Variants in UBAP1 observed in about 807,000 individuals in gnomAD.
The protein encoded by UBAP1 is ubiquitin-associated protein 1.
A neutral mutation model predicts 39.0 loss-of-function variants in UBAP1; 5 were observed. That is an observed-to-expected ratio of 0.13 (90% confidence interval 0.07 to 0.27). UBAP1 has a LOEUF of 0.27. Ranked by LOEUF, UBAP1 falls within the 10% of genes least tolerant of loss-of-function variation. The pLI is 1.00. For synonymous variants in UBAP1, 211 were observed against 225.1 expected, an observed-to-expected ratio of 0.94 and a Z score of 0.56; for missense variants, 490 against 608.1, an observed-to-expected ratio of 0.81 and a Z score of 2.04.
At chr9:34,181,703 A>G (rs1489410412) in intron 1 of UBAP1, among the ~76,000 whole-genome samples, 2 of 135,794 alleles carry the variant, frequency 1.5e-5, no homozygotes, top group Non-Finnish European at 3.1e-5. Flanking sequence ...AAGTGCTGGG[A>G]TTACAGGCGT....
At chr9:34,225,906 C>T (rs1203868121) in intron 2 of UBAP1, among the ~76,000 whole-genome samples, 3 of 151,220 alleles carry the variant, frequency 2.0e-5, no homozygotes, top group African/African-American at 7.3e-5. Context: ...AAAAATAGAC[C>T]CCGTGATAAG....
chr9:34,216,219 TACTG>T (rs1243789462), intron 1 of UBAP1, among the ~76,000 whole-genome samples: 5 of 152,006 alleles, frequency 3.3e-5, no homozygotes, highest in Non-Finnish European at 5.9e-5. Context: ...AAAAAAAACT[TACTG>T]AGGTGAAATT....
chr9:34,187,555 AATTG>A (rs1308169900), intron 1 of UBAP1, among the ~76,000 whole-genome samples: 1 of 152,166 alleles, frequency 6.6e-6, no homozygotes, highest in Non-Finnish European at 1.5e-5. Flanking sequence ...TATTATATAC[AATTG>A]ATAGTGTGTC....
At chr9:34,186,526 C>G (rs182477368) in intron 1 of UBAP1, among the ~76,000 whole-genome samples, 82 of 152,216 alleles carry the variant, frequency 5.4e-4, no homozygotes, top group Admixed American at 8.5e-4. Flanking sequence ...CTCCTCAACA[C>G]TTGATATTGT....
intron 1 of UBAP1, chr9:34,206,059 T>G (rs563671592): frequency 3.3e-5 from 5 of 152,232 alleles, no homozygotes; most frequent in Admixed American, 2.0e-4. Flanking sequence ...TATGTACTTA[T>G]TTGTCACTTT....
At chr9:34,196,440 C>G (rs530913571) in intron 1 of UBAP1, among the ~76,000 whole-genome samples, 3 of 151,656 alleles carry the variant, frequency 2.0e-5, no homozygotes, top group Non-Finnish European at 4.4e-5. Context: ...CTCAGCCTCC[C>G]GAGTAGCTGG....
intron 1 of UBAP1, among the ~76,000 whole-genome samples, chr9:34,193,878 C>G (rs1187425064): frequency 6.6e-6 from 1 of 151,930 alleles, no homozygotes; most frequent in African/African-American, 2.4e-5. Flanking sequence ...TAGGGCAGTC[C>G]CCTCTCTGGG....
chr9:34,207,274 G>A (rs1831760635), intron 1 of UBAP1, among the ~76,000 whole-genome samples: 1 of 150,952 alleles, frequency 6.6e-6, no homozygotes, highest in Admixed American at 6.6e-5. Context: ...TCAAACTCCT[G>A]ACCTTAGGTG....
At chr9:34,216,184 AT>A (rs72016559) in intron 1 of UBAP1, among the ~76,000 whole-genome samples, 55,450 of 146,328 alleles carry the variant, frequency 0.38, 11,166 homozygotes, top group East Asian at 0.88. Context: ...TTTTTCTGCC[AT>A]TTTTTTTTTT....
chr9:34,209,148 G>C (rs910747923), intron 1 of UBAP1, among the ~76,000 whole-genome samples: 5 of 152,044 alleles, frequency 3.3e-5, no homozygotes, highest in African/African-American at 4.8e-5. Flanking sequence ...ATGTTGGCCA[G>C]GCTGGTCTCA....
In UBAP1 at chr9:34,202,624, C is replaced by CGTGTGTGT. The variant is rs56012034; in HGVS notation, c.-7-18237_-7-18230dup. On this transcript the variant is annotated intron_variant, in intron 1 of 6. Coordinates refer to ENST00000297661, the MANE Select transcript of UBAP1 (RefSeq NM_016525.5). ...ATGGGCCAGAAGCTGTAGACAGAAA[C>CGTGTGTGT]GTGTGTGTGTGTGTGTGTGTGTGTG... 9.9e-3 allele frequency among the ~76,000 whole-genome samples: 1,066 copies of CGTGTGTGT among 107,336 alleles called. 21 individuals carry two copies. Among genetic ancestry groups the CGTGTGTGT allele is most frequent in the African/African-American group, 0.011 (288 of 25,542 alleles). 70.4% of individuals were successfully genotyped at this position (107,336 alleles called of 152,430 possible). A position where few individuals can be genotyped will look rare whatever the true frequency, so the allele number is the denominator to read the frequency against.
intron 2 of UBAP1, among the ~76,000 whole-genome samples, chr9:34,221,385 C>T (rs1228465998): frequency 4.6e-5 from 7 of 151,882 alleles, no homozygotes; most frequent in African/African-American, 1.7e-4. Flanking sequence ...AAAAATTAGC[C>T]GGGCGTGTTG....
intron 1 of UBAP1, among the ~76,000 whole-genome samples, chr9:34,182,663 C>CT (rs770262556): frequency 1.6e-5 from 1 of 62,754 alleles, no homozygotes; most frequent in Non-Finnish European, 3.7e-5. Context: ...TTCTTTCTTT[C>CT]TTTCTTTCTT....
rs1438971150 is a variant in UBAP1 at position 34,252,447 on chromosome 9, G to A, written c.*915G>A. 1.4e-5 allele frequency: 2 copies of A among 140,296 alleles called. No individual in the cohort carries two copies. The highest frequency in any genetic ancestry group is 5.2e-5 in the African/African-American group (2 of 38,286). 8.7% of individuals were successfully genotyped at this position (140,296 alleles called of 1,614,324 possible). On this transcript the variant is annotated 3_prime_UTR_variant, in exon 7 of 7. Transcript: ENST00000297661. ...AAGATCTAAATACAAAGGATATACA[G>A]TCTTGAATCTAAAATAATTTGCTAA...
chr9:34,180,390 C>T (rs974525899), intron 1 of UBAP1, among the ~76,000 whole-genome samples: 6 of 152,062 alleles, frequency 3.9e-5, no homozygotes, highest in African/African-American at 1.4e-4. Flanking sequence ...CGCCTGTAAT[C>T]CCAGCTACTC....
At chr9:34,199,361 C>T (rs532602252) in intron 1 of UBAP1, among the ~76,000 whole-genome samples, 9 of 152,214 alleles carry the variant, frequency 5.9e-5, no homozygotes, top group Non-Finnish European at 8.8e-5. Context: ...GCATGAGCCA[C>T]CGCGCCCAGC....
intron 1 of UBAP1, chr9:34,201,345 G>A (rs1831357676): frequency 6.6e-6 from 1 of 152,184 alleles, no homozygotes; most frequent in Admixed American, 6.6e-5. Context: ...GGAAGTTCGA[G>A]ACCAGTCTGG....
intron 2 of UBAP1, among the ~76,000 whole-genome samples, chr9:34,227,589 C>A (rs1015890977): frequency 6.6e-6 from 1 of 152,164 alleles, no homozygotes; most frequent in Non-Finnish European, 1.5e-5. Context: ...AGAAACAAAG[C>A]AAATGAAGTC....
chr9:34,182,195 TA>T (rs753570814), intron 1 of UBAP1, among the ~76,000 whole-genome samples: 15,672 of 95,770 alleles, frequency 0.16, 1,345 homozygotes, highest in Non-Finnish European at 0.26. Flanking sequence ...TTTATTTATT[TA>T]TTTATTGAGA....
Sources: gnomAD v4.1 joint callset for allele counts (sites outside exome capture counted in the v4.1 genomes callset) on GRCh38, gnomAD v4.1.1 for gene constraint, MANE v1.5 for transcripts, NCBI Gene and HGNC (gene_info 2026-07-23, HGNC 2026-07-21) for gene names.